The following SLC9A2 variants were observed in gnomAD, a reference collection of about 807,000 sequenced individuals.
SLC9A2 encodes the protein sodium/hydrogen exchanger 2.
SLC9A2 carries 42 observed loss-of-function variants against 71.7 expected under a neutral mutation model. That is an observed-to-expected ratio of 0.59 (90% CI 0.46 to 0.76). The LOEUF (loss-of-function observed/expected upper bound fraction) is 0.76, where lower values mean the gene tolerates loss of function less well. SLC9A2 is among the 30% of genes least tolerant of loss of function. The pLI is 0.00. For missense variants in SLC9A2, 829 were observed against 1,017.4 expected (o/e 0.81, Z 2.52); for synonymous variants, 396 against 392.5 (o/e 1.01, Z -0.10).
At chr2:102,621,328 C>A (rs1296228852) in intron 1 of SLC9A2, among the ~76,000 whole-genome samples, 10 of 137,238 alleles carry the variant, frequency 7.3e-5, no homozygotes, top group African/African-American at 2.4e-4. Context: ...CAGCCTGGGC[C>A]ACAGAGAGAT....
chr2:102,665,233 C>A lies in SLC9A2; in HGVS notation c.887C>A (p.Ala296Glu), dbSNP rs767754729. 1 of 1,613,986 alleles carries A rather than the reference C, an allele frequency of 6.2e-7. No homozygotes were observed. The highest frequency in any genetic ancestry group is 8.5e-7 in the Non-Finnish European group (1 of 1,179,998). The change falls in exon 3 of 12, where the codon GCG becomes GAG. Residue 296 changes from alanine (A) to glutamate (E), a missense_variant. This residue lies in a region of SLC9A2 where 500 missense variants were observed against 726.3 expected (regional missense o/e 0.69). Transcript: ENST00000233969. ...ATTGGCATCTTCTTGGGCTTTATAGCGGCATTTACTACTCGATTCACCCAT... is the reference window on the plus strand; with the variant it reads ...ATTGGCATCTTCTTGGGCTTTATAGAGGCATTTACTACTCGATTCACCCAT... ...VLIGIFLGFI[A>E]AFTTRFTHNI...
chr2:102,641,477 T>C (rs904928457), intron 1 of SLC9A2, among the ~76,000 whole-genome samples: 1 of 151,698 alleles, frequency 6.6e-6, no homozygotes, highest in African/African-American at 2.4e-5. Context: ...CGTGCCGTTC[T>C]GCTTGAGAAG....
At position 102,706,047 on chromosome 2, in the gene SLC9A2, C is replaced by CCA. The variant is rs1223944365; in HGVS notation, c.2068+111_2068+112insCA. ...ATTAAGAATGAGTTCCGGCCGGGCGCGGTGGCTCACGCCTGTAATCCCAGC... is the reference window on the plus strand; with the variant it reads ...ATTAAGAATGAGTTCCGGCCGGGCGCCAGGTGGCTCACGCCTGTAATCCCAGC... On this transcript the variant is annotated intron_variant, in intron 11 of 11. Transcript: ENST00000233969. 9.9e-3 allele frequency: 317 copies of CCA among 31,908 alleles called. 29 individuals carry two copies. Among genetic ancestry groups the CCA allele is most frequent in the Non-Finnish European group, 0.01 (193 of 19,284 alleles). The allele number at this position is 31,908 out of a possible 1,614,324, so 2.0% of individuals were successfully genotyped here. A position where few individuals can be genotyped will look rare whatever the true frequency, so the allele number is the denominator to read the frequency against.
At chr2:102,699,513 A>G (rs530345192) in intron 7 of SLC9A2, among the ~76,000 whole-genome samples, 6 of 152,312 alleles carry the variant, frequency 3.9e-5, no homozygotes, top group Non-Finnish European at 8.8e-5. Context: ...AGGAATGCCA[A>G]TTTGGTGCTC....
In SLC9A2 at chr2:102,620,132, A is replaced by C. The variant is rs1386153907; in HGVS notation, c.284A>C (p.Lys95Thr). ...TLWILLASLA[K>T]IGFHLYHKLP... ...TGGATCCTGCTGGCCTCCCTGGCCAAGATTGGTGAGCGAACTGGACTTGTG... is the reference window on the plus strand; with the variant it reads ...TGGATCCTGCTGGCCTCCCTGGCCACGATTGGTGAGCGAACTGGACTTGTG... The change falls in exon 1 of 12, where the codon AAG (lysine) becomes ACG (threonine). Residue 95 changes from lysine to threonine, a missense_variant. By Grantham distance (78) the Lys-to-Thr change is moderately conservative. Around this residue, in one of 3 missense-constraint regions of SLC9A2, gnomAD observed 500 missense variants for 726.3 expected, o/e 0.69. Transcript: ENST00000233969. 1 of 1,601,204 alleles carries C rather than the reference A, an allele frequency of 6.2e-7. No homozygotes were observed. The highest frequency in any genetic ancestry group is 2.3e-5 in the East Asian group (1 of 44,364).
intron 1 of SLC9A2, among the ~76,000 whole-genome samples, chr2:102,653,546 T>C (rs567607015): frequency 1.3e-5 from 2 of 152,354 alleles, no homozygotes; most frequent in South Asian, 2.1e-4. Flanking sequence ...TCAGTCTCAT[T>C]GCCTGAGCAT....
chr2:102,680,981 GC>G (rs1052018604), intron 3 of SLC9A2, among the ~76,000 whole-genome samples: 6 of 152,146 alleles, frequency 3.9e-5, no homozygotes, highest in Non-Finnish European at 8.8e-5. Flanking sequence ...GAAGGAAAAA[GC>G]TTTGTCACCA....
chr2:102,657,898 G>T lies in SLC9A2; in HGVS notation c.624G>T (p.Leu208=), dbSNP rs147714670. 1.9e-6 allele frequency: 3 copies of T among 1,614,230 alleles called. No individual in the cohort carries two copies. Among genetic ancestry groups the T allele is most frequent in the Non-Finnish European group, 2.5e-6 (3 of 1,180,038 alleles). ...GLSDITLLQN[L]LFGSLISAVD... is the part of the protein sequence containing the mutation. ...GCGACATCACTTTGCTCCAGAACCTGCTCTTTGGCAGCTTAATCTCAGCTG... is the reference window on the plus strand; with the variant it reads ...GCGACATCACTTTGCTCCAGAACCTTCTCTTTGGCAGCTTAATCTCAGCTG... Residue 208 remains leucine (L), a synonymous_variant, in exon 2 of 12, where the codon CTG becomes CTT. Coordinates refer to ENST00000233969, the MANE Select transcript of SLC9A2 (RefSeq NM_003048.6).
At chr2:102,621,241 G>A (rs1405362611) in intron 1 of SLC9A2, among the ~76,000 whole-genome samples, 7 of 151,466 alleles carry the variant, frequency 4.6e-5, no homozygotes, top group African/African-American at 1.2e-4. Flanking sequence ...AGGCTGAGGC[G>A]GGAGCCTGAG....
At chr2:102,667,134 A>G (rs1677156357) in intron 3 of SLC9A2, among the ~76,000 whole-genome samples, 1 of 152,232 alleles carries the variant, frequency 6.6e-6, no homozygotes, top group South Asian at 2.1e-4. Flanking sequence ...AGAAACCTAA[A>G]TAAAGCAACG....
chr2:102,679,389 T>G (rs1273827224), intron 3 of SLC9A2, among the ~76,000 whole-genome samples: 2 of 151,706 alleles, frequency 1.3e-5, no homozygotes, highest in African/African-American at 4.8e-5. Flanking sequence ...TATATAATTT[T>G]TTTTTTTTTT....
intron 7 of SLC9A2, among the ~76,000 whole-genome samples, chr2:102,695,758 G>GTA (rs1262001326): frequency 4.5e-4 from 42 of 92,662 alleles, no homozygotes; most frequent in East Asian, 1.2e-3. Flanking sequence ...GAAATAACGT[G>GTA]TATATATATA....
chr2:102,649,152 G>A (rs1235978477), intron 1 of SLC9A2, among the ~76,000 whole-genome samples: 1 of 152,112 alleles, frequency 6.6e-6, no homozygotes, highest in African/African-American at 2.4e-5. Flanking sequence ...CAGAACAGAG[G>A]CCTCAGAAAT....
In SLC9A2 at chr2:102,694,435, G is replaced by C; in HGVS notation, c.1447G>C (p.Val483Leu). The change falls in exon 6 of 12, where the codon GTG becomes CTG. Residue 483 changes from valine to leucine, a missense_variant. Val to Leu is a conservative substitution (Grantham distance 32, BLOSUM62 1). This residue lies in a region of SLC9A2 where 500 missense variants were observed against 726.3 expected (regional missense o/e 0.69). Transcript: ENST00000233969. Reference sequence around the variant, plus strand: ...TCAGGGAATAACTATTCGACCACTGGTGGAGTTTCTTGATGTCAAGAGGTC... The same window carrying C: ...TCAGGGAATAACTATTCGACCACTGCTGGAGTTTCTTGATGTCAAGAGGTC... ...FILGITIRPL[V>L]EFLDVKRSNK... is the part of the protein sequence containing the mutation. 6.6e-7 allele frequency: 1 copy of C among 1,524,134 alleles called. No homozygotes were observed. The highest frequency in any genetic ancestry group is 8.9e-7 in the Non-Finnish European group (1 of 1,121,754). The allele number at this position is 1,524,134 out of a possible 1,614,324, so 94.4% of individuals were successfully genotyped here. A position where few individuals can be genotyped will look rare whatever the true frequency, so the allele number is the denominator to read the frequency against.
chr2:102,637,399 CGTT>C (rs553924447), intron 1 of SLC9A2, among the ~76,000 whole-genome samples: 249 of 152,298 alleles, frequency 1.6e-3, no homozygotes, highest in African/African-American at 5.0e-3. Context: ...CCAGTGCCAT[CGTT>C]ATTATTTCCT....
chr2:102,704,576 C>T lies in SLC9A2; in HGVS notation c.1878C>T (p.Ala626=), dbSNP rs202139053. ...CCTACAACAGACACAGTCTGACAGC[C>T]GACACAAGTGAGAGACAAGCCAAGG... is the stretch of plus-strand genomic sequence containing the variant. ...TLSYNRHSLT[A]DTSERQAKEI... Residue 626 remains alanine (A), a synonymous_variant, in exon 10 of 12, where the codon GCC becomes GCT. Transcript: ENST00000233969. 200 of 1,613,142 alleles carry T rather than the reference C, an allele frequency of 1.2e-4. No individual in the cohort carries two copies. The East Asian group carries it at 4.3e-3, about 34-fold the overall frequency.
At chr2:102,697,021 A>C (rs944920569) in intron 7 of SLC9A2, among the ~76,000 whole-genome samples, 1 of 152,092 alleles carries the variant, frequency 6.6e-6, no homozygotes, top group East Asian at 1.9e-4. Flanking sequence ...CACTGTTTTC[A>C]TAGTAATGCC....
chr2:102,649,888 C>T (rs1676798347), intron 1 of SLC9A2, among the ~76,000 whole-genome samples: 3 of 152,144 alleles, frequency 2.0e-5, no homozygotes, highest in South Asian at 2.1e-4. Context: ...ATTAGTTCAA[C>T]CATTATGGAA....
At chr2:102,697,819 C>T (rs901606468) in intron 7 of SLC9A2, among the ~76,000 whole-genome samples, 1 of 151,646 alleles carries the variant, frequency 6.6e-6, no homozygotes, top group Admixed American at 6.6e-5. Flanking sequence ...GGTGTCTTCC[C>T]TTTTCTCTGG....
Sources: allele counts gnomAD v4.1 joint callset (sites outside exome capture counted in the v4.1 genomes callset), GRCh38; gene constraint gnomAD v4.1.1; regional missense constraint gnomAD v4.1.1; transcripts MANE v1.5; gene names NCBI Gene and HGNC (gene_info 2026-07-23, HGNC 2026-07-21).